EVL: variants seen among roughly 807,000 people sequenced by gnomAD.
EVL encodes the protein Enah/Vasp-like, also known as ena/VASP-like protein.
A neutral mutation model predicts 59.6 loss-of-function variants in EVL; 21 were observed. The observed-to-expected ratio is 0.35, with a 90% CI of 0.25 to 0.51. The LOEUF is 0.51. EVL is among the 20% of genes least tolerant of loss of function. The pLI is 0.97. For synonymous variants in EVL, 198 were observed against 203.5 expected, an observed-to-expected ratio of 0.97 and a Z score of 0.23; for missense variants, 462 against 546.6, an observed-to-expected ratio of 0.85 and a Z score of 1.54.
At chr14:100,143,570 TG>T in intron 13 of EVL, 130 bp from the exon 14 acceptor site, 1 of 1,127,592 alleles carries the variant, frequency 8.9e-7, no homozygotes, top group Non-Finnish European at 1.3e-6. Flanking sequence ...TGCCAAAGCC[TG>T]GGTGGGGCTC....
intron 1 of EVL, among the ~76,000 whole-genome samples, chr14:100,043,806 G>A (rs1012181708): frequency 2.0e-5 from 3 of 151,800 alleles, no homozygotes; most frequent in Non-Finnish European, 4.4e-5. Context: ...TAAAGATAGA[G>A]TCTTGCTGTG....
At chr14:100,097,891 G>C (rs951097707) in intron 3 of EVL, 2 of 413,120 alleles carry the variant, frequency 4.8e-6, no homozygotes, top group Admixed American at 8.2e-5. Flanking sequence ...GATTTGTACA[G>C]ATGTGTCCCT....
At chr14:99,981,216 G>C (rs970868723) in intron 1 of EVL, among the ~76,000 whole-genome samples, 8 of 152,144 alleles carry the variant, frequency 5.3e-5, no homozygotes, top group Non-Finnish European at 1.0e-4. Flanking sequence ...TTGATCACCT[G>C]AGGTCAGGAG....
intron 6 of EVL, among the ~76,000 whole-genome samples, chr14:100,129,279 TC>T (rs1449110158): frequency 7.2e-6 from 1 of 139,404 alleles, no homozygotes; most frequent in Non-Finnish European, 1.6e-5. Flanking sequence ...CCTCCCTCCC[TC>T]CATGTGTCAT....
At chr14:100,112,004 A>G (rs1887025594) in intron 3 of EVL, among the ~76,000 whole-genome samples, 2 of 152,236 alleles carry the variant, frequency 1.3e-5, no homozygotes, top group African/African-American at 4.8e-5. Context: ...AACCTGCCCC[A>G]TCTTTCTAGC....
intron 1 of EVL, among the ~76,000 whole-genome samples, chr14:100,056,296 C>T (rs1250276814): frequency 6.7e-6 from 1 of 150,366 alleles, no homozygotes; most frequent in Non-Finnish European, 1.5e-5. Flanking sequence ...GTTTTTGGGT[C>T]AACTCTTTGA....
chr14:100,048,088 A>G (rs1269291640), intron 1 of EVL, among the ~76,000 whole-genome samples: 1 of 152,236 alleles, frequency 6.6e-6, no homozygotes, highest in Non-Finnish European at 1.5e-5. Context: ...ATGACAGCGA[A>G]AGCACCATCC....
chr14:100,082,081 G>A (rs754959443), intron 1 of EVL, among the ~76,000 whole-genome samples: 1 of 152,106 alleles, frequency 6.6e-6, no homozygotes, highest in Admixed American at 6.5e-5. Context: ...CCAAGATCGC[G>A]CCACTGAGCT....
chr14:100,131,324 A>G (rs1285208250), intron 7 of EVL, among the ~76,000 whole-genome samples: 1 of 152,086 alleles, frequency 6.6e-6, no homozygotes, highest in Non-Finnish European at 1.5e-5. Context: ...CCGGTGGGAG[A>G]GTCAAGGCCC....
intron 1 of EVL, among the ~76,000 whole-genome samples, chr14:100,013,874 G>A (rs2061033302): frequency 6.6e-6 from 1 of 151,912 alleles, no homozygotes; most frequent in African/African-American, 2.4e-5. Context: ...AAGAATGGTA[G>A]GTTTATTTTT....
chr14:100,085,078 C>T, intron 2 of EVL: 1 of 474,882 alleles, frequency 2.1e-6, no homozygotes, highest in Non-Finnish European at 3.7e-6. Flanking sequence ...CATATGGAGA[C>T]AGTAATCCGC....
intron 3 of EVL, among the ~76,000 whole-genome samples, chr14:100,104,553 C>T (rs1031020051): frequency 2.6e-5 from 4 of 152,166 alleles, no homozygotes; most frequent in Non-Finnish European, 5.9e-5. Flanking sequence ...TGTGAGGGCC[C>T]CAGGGCAAAA....
At chr14:100,040,979 C>A (rs1428033749) in intron 1 of EVL, among the ~76,000 whole-genome samples, 3 of 152,176 alleles carry the variant, frequency 2.0e-5, no homozygotes, top group Non-Finnish European at 2.9e-5. Context: ...AGATGCTAAT[C>A]TGCCATGTTG....
intron 3 of EVL, among the ~76,000 whole-genome samples, chr14:100,099,195 A>AG (rs1341900814): frequency 2.9e-4 from 44 of 151,948 alleles, no homozygotes; most frequent in African/African-American, 1.1e-3. Context: ...AAAAAAAAAA[A>AG]AAAAGAAAAA....
chr14:100,119,596 C>T (rs187244353), intron 3 of EVL, among the ~76,000 whole-genome samples: 373 of 152,358 alleles, frequency 2.4e-3, no homozygotes, highest in Non-Finnish European at 4.2e-3. Context: ...AGCACATAGG[C>T]AGGTTCCCGT....
At chr14:100,030,993 G>T (rs778637024) in intron 1 of EVL, among the ~76,000 whole-genome samples, 1 of 152,190 alleles carries the variant, frequency 6.6e-6, no homozygotes, top group Admixed American at 6.5e-5. Flanking sequence ...GGTCTCTTCC[G>T]TGTAGGGAAG....
intron 3 of EVL, among the ~76,000 whole-genome samples, chr14:100,099,176 C>T (rs1330235803): frequency 9.3e-6 from 1 of 107,946 alleles, no homozygotes; most frequent in Admixed American, 1.1e-4. Flanking sequence ...GACCCTGTCT[C>T]TACAAAAAAA....
chr14:99,994,112 C>CTTTTTTTTT lies in EVL; in HGVS notation c.5+22073_5+22081dup, dbSNP rs751533422. On this transcript the variant is annotated intron_variant, in intron 1 of 13. Transcript: ENST00000402714. Reference sequence around the variant, plus strand: ...TGAGCCACTACACCCAGCCTTTTGGCTTTTTTTTTTTTTTTTTTTTTTTTT... The same window carrying CTTTTTTTTT: ...TGAGCCACTACACCCAGCCTTTTGGCTTTTTTTTTTTTTTTTTTTTTTTTTTTTTTTTTT... Among the ~76,000 whole-genome samples, 275 of 55,166 alleles carry CTTTTTTTTT rather than the reference C, an allele frequency of 5.0e-3. 6 individuals are homozygous for CTTTTTTTTT. Among genetic ancestry groups the CTTTTTTTTT allele is most frequent in the Non-Finnish European group, 5.9e-3 (179 of 30,448 alleles). The allele number at this position is 55,166 out of a possible 152,430, so 36.2% of individuals were successfully genotyped here.
chr14:100,052,752 CAA>C (rs750058813), intron 1 of EVL: 7 of 124,536 alleles, frequency 5.6e-5, no homozygotes, highest in African/African-American at 8.8e-5. Context: ...GACCGTGTCT[CAA>C]AAAAAAAAAA....
Sources: gnomAD v4.1 joint callset for allele counts (sites outside exome capture counted in the v4.1 genomes callset) on GRCh38, gnomAD v4.1.1 for gene constraint, MANE v1.5 for transcripts, NCBI Gene and HGNC (gene_info 2026-07-23, HGNC 2026-07-21) for gene names.